The following PLEKHA5 variants were observed in gnomAD, a reference collection of about 807,000 sequenced individuals.
PLEKHA5 encodes the protein pleckstrin homology domain containing A5, also known as pleckstrin homology domain-containing family A member 5.
Under a neutral mutation model 181.9 loss-of-function variants are expected in PLEKHA5, and 55 were observed. The ratio of observed to expected loss-of-function variants is 0.30; its 90% CI spans 0.24 to 0.38. PLEKHA5 has a LOEUF of 0.38. Ranked by LOEUF, PLEKHA5 falls within the 10% of genes least tolerant of loss-of-function variation. PLEKHA5 has a pLI of 1.00. For synonymous variants in PLEKHA5, 535 were observed against 529.4 expected (o/e 1.01, Z -0.15); for missense variants, 1,432 against 1,549.5 (o/e 0.92, Z 1.27).
At chr12:19,266,368 C>G (rs1486455450) in intron 8 of PLEKHA5, among the ~76,000 whole-genome samples, 2 of 151,800 alleles carry the variant, frequency 1.3e-5, no homozygotes, top group Non-Finnish European at 2.9e-5. Flanking sequence ...TGGCTAGTCC[C>G]AGCTACTTGG....
intron 3 of PLEKHA5, among the ~76,000 whole-genome samples, chr12:19,172,058 G>A (rs1019576199): frequency 1.3e-5 from 2 of 152,246 alleles, no homozygotes; most frequent in South Asian, 4.1e-4. Context: ...AGTAGAAGGA[G>A]TACACTCTAA....
At chr12:19,329,140 T>A (rs1394433263) in intron 20 of PLEKHA5, among the ~76,000 whole-genome samples, 2 of 152,200 alleles carry the variant, frequency 1.3e-5, no homozygotes, top group Non-Finnish European at 2.9e-5. Context: ...TGACTCACAT[T>A]TGTGATTTGT....
intron 3 of PLEKHA5, chr12:19,152,315 A>C (rs987062232): frequency 6.6e-6 from 1 of 152,262 alleles, no homozygotes; most frequent in African/African-American, 2.4e-5. Flanking sequence ...AATAGGCAAC[A>C]AAGTAAGCAG....
chr12:19,333,129 A>T (rs1176041018), intron 20 of PLEKHA5, among the ~76,000 whole-genome samples: 1 of 152,182 alleles, frequency 6.6e-6, no homozygotes, highest in African/African-American at 2.4e-5. Flanking sequence ...TACTAAAAAT[A>T]CAAAAATTAG....
intron 3 of PLEKHA5, among the ~76,000 whole-genome samples, chr12:19,219,966 A>C (rs913953077): frequency 6.6e-5 from 10 of 152,170 alleles, no homozygotes; most frequent in Non-Finnish European, 1.5e-5. Context: ...AGATGAGTTG[A>C]TAGAAGAATT....
rs10667790 is a variant in PLEKHA5, at chr12:19,208,419, A to AG, written c.228-45521_228-45520insG. Among the ~76,000 whole-genome samples, 203 of 150,150 alleles carry AG rather than the reference A, an allele frequency of 1.4e-3. 1 individual carries two copies. The highest frequency in any genetic ancestry group is 3.4e-3 in the Middle Eastern group (1 of 292). ...AAAAACTCTGTCTCAAAAAAAAAAA[A>AG]AAGTTCATTTTTTCACTCGAATTTA... On this transcript the variant is annotated intron_variant, in intron 3 of 31. Coordinates refer to ENST00000429027, the MANE Select transcript of PLEKHA5 (RefSeq NM_001256470.2).
intron 3 of PLEKHA5, among the ~76,000 whole-genome samples, chr12:19,144,340 G>A (rs1403288141): frequency 6.6e-6 from 1 of 152,160 alleles, no homozygotes; most frequent in Non-Finnish European, 1.5e-5. Context: ...CGGTATAACT[G>A]AGGTCATGAG....
chr12:19,254,910 AGGCCT>A (rs1256142507), intron 4 of PLEKHA5, 130 bp from the exon 5 acceptor site: 2 of 636,244 alleles, frequency 3.1e-6, no homozygotes, highest in East Asian at 5.5e-5. Flanking sequence ...GTAAGTATTA[AGGCCT>A]GACTCTAGAG....
chr12:19,340,351 G>A (rs533586758), intron 21 of PLEKHA5, among the ~76,000 whole-genome samples: 153 of 145,216 alleles, frequency 1.1e-3, no homozygotes, highest in African/African-American at 3.5e-3. Context: ...CAGCCGCCCC[G>A]TCCAGGAGGG....
chr12:19,254,380 A>T (rs1413612941), intron 4 of PLEKHA5, among the ~76,000 whole-genome samples: 1 of 152,236 alleles, frequency 6.6e-6, no homozygotes, highest in Non-Finnish European at 1.5e-5. Flanking sequence ...TTTTATAAGC[A>T]TCAAAGAATG....
intron 15 of PLEKHA5, among the ~76,000 whole-genome samples, chr12:19,302,708 A>C (rs185484600): frequency 1.4e-3 from 212 of 152,112 alleles, no homozygotes; most frequent in Middle Eastern, 3.4e-3. Context: ...ACTGGTGTAG[A>C]ATTTTTAGAC....
intron 3 of PLEKHA5, among the ~76,000 whole-genome samples, chr12:19,133,388 A>G (rs1565849367): frequency 6.6e-6 from 1 of 151,826 alleles, no homozygotes; most frequent in Non-Finnish European, 1.5e-5. Context: ...CTATTTACCT[A>G]AGAGTTTGTT....
At chr12:19,241,628 T>G (rs2062624081) in intron 3 of PLEKHA5, among the ~76,000 whole-genome samples, 1 of 151,960 alleles carries the variant, frequency 6.6e-6, no homozygotes, top group South Asian at 2.1e-4. Flanking sequence ...ATGGTTGTGG[T>G]GCCTGTAATC....
chr12:19,141,776 ACT>A (rs376600330), intron 3 of PLEKHA5, among the ~76,000 whole-genome samples: 116,595 of 152,082 alleles, frequency 0.77, 47,902 homozygotes, highest in Non-Finnish European at 0.92. Flanking sequence ...GTAGAACTTC[ACT>A]GTGGTGGAAA....
At chr12:19,360,048 TTGAC>T (rs2095148448) in intron 28 of PLEKHA5, among the ~76,000 whole-genome samples, 1 of 150,908 alleles carries the variant, frequency 6.6e-6, no homozygotes, top group Non-Finnish European at 1.5e-5. Flanking sequence ...TATGCATTAA[TTGAC>T]TGGGCACGGT....
chr12:19,203,254 T>TTACCTGTCCTCATTTACCTG (rs2054603133), intron 3 of PLEKHA5, among the ~76,000 whole-genome samples: 1 of 152,052 alleles, frequency 6.6e-6, no homozygotes, highest in Admixed American at 6.6e-5. Context: ...TACCACCTCT[T>TTACCTGTCCTCATTTACCTG]TACCTGTCCT....
intron 23 of PLEKHA5, 87 bp from the exon 24 acceptor site, chr12:19,346,907 T>C: frequency 2.3e-6 from 2 of 865,546 alleles, no homozygotes; most frequent in Non-Finnish European, 3.3e-6. Context: ...TTAAAGTAAA[T>C]TTAAGTTAAT....
intron 7 of PLEKHA5, among the ~76,000 whole-genome samples, chr12:19,263,057 C>G (rs577948440): frequency 6.6e-6 from 1 of 152,300 alleles, no homozygotes; most frequent in Non-Finnish European, 1.5e-5. Context: ...GATGACTGCT[C>G]TGCAGGCTGT....
intron 3 of PLEKHA5, among the ~76,000 whole-genome samples, chr12:19,171,668 G>T (rs1416669361): frequency 6.6e-6 from 1 of 152,032 alleles, no homozygotes; most frequent in Non-Finnish European, 1.5e-5. Flanking sequence ...CCTTTAAAAT[G>T]TTTTAAAATT....
Sources: gnomAD v4.1 joint callset for allele counts (sites outside exome capture counted in the v4.1 genomes callset) on GRCh38, gnomAD v4.1.1 for gene constraint, MANE v1.5 for transcripts, NCBI Gene and HGNC (gene_info 2026-07-23, HGNC 2026-07-21) for gene names.